CAB39L: variants seen among roughly 807,000 people sequenced by gnomAD.
CAB39L encodes calcium-binding protein 39-like.
CAB39L carries 23 observed loss-of-function variants against 39.1 expected under a neutral mutation model. The observed-to-expected ratio is 0.59, with a 90% CI of 0.42 to 0.83. CAB39L has a LOEUF of 0.83. Ranked by LOEUF, CAB39L falls within the 40% of genes least tolerant of loss-of-function variation. The pLI, the probability that CAB39L is intolerant of heterozygous loss-of-function variation, is 0.00. For synonymous variants in CAB39L, 126 were observed against 137.2 expected (o/e 0.92, Z 0.57); for missense variants, 366 against 391.9 (o/e 0.93, Z 0.56).
At chr13:49,434,877 C>A (rs1957384847) in intron 1 of CAB39L, among the ~76,000 whole-genome samples, 2 of 151,892 alleles carry the variant, frequency 1.3e-5, no homozygotes, top group Non-Finnish European at 2.9e-5. Context: ...CACCAAAATG[C>A]GATATAGATG....
Position 49,377,020 on chromosome 13 carries a change from T to C in CAB39L, c.223A>G (p.Ser75Gly). 6.2e-7 allele frequency: 1 copy of C among 1,613,950 alleles called. No homozygotes were observed. Among genetic ancestry groups the C allele is most frequent in the South Asian group, 1.1e-5 (1 of 91,050 alleles). The change falls in exon 5 of 11, where the codon AGC becomes GGC. Residue 75 changes from serine (S) to glycine (G), a missense_variant. By Grantham distance (56) the Ser-to-Gly change is moderately conservative. Coordinates refer to ENST00000409308, the MANE Select transcript of CAB39L (RefSeq NM_001079670.3). ...ATCAGTGTCACTAGCAGGCCACTGC[T>C]GTAGAGTTCTTGTGCTAGCTGAGCC... ...AVAQLAQELY[S>G]SGLLVTLIAD...
At chr13:49,348,993 C>CCACT (rs1955263399) in intron 7 of CAB39L, among the ~76,000 whole-genome samples, 1 of 152,188 alleles carries the variant, frequency 6.6e-6, no homozygotes, top group Admixed American at 6.5e-5. Context: ...CTACCCTTTA[C>CCACT]CACTCTCTGA....
At chr13:49,384,306 C>T (rs1425882759) in intron 3 of CAB39L, among the ~76,000 whole-genome samples, 1 of 152,232 alleles carries the variant, frequency 6.6e-6, no homozygotes, top group African/African-American at 2.4e-5. Flanking sequence ...AATTCAGTCA[C>T]ATCTTCAGGC....
intron 7 of CAB39L, among the ~76,000 whole-genome samples, chr13:49,347,869 TTTCCTTCC>T (rs1353646776): frequency 6.6e-6 from 1 of 151,926 alleles, no homozygotes; most frequent in Admixed American, 6.6e-5. Context: ...TCCTCCTTCT[TTTCCTTCC>T]TTCCTTCCCT....
intron 3 of CAB39L, among the ~76,000 whole-genome samples, chr13:49,412,207 G>C (rs1157813519): frequency 6.6e-6 from 1 of 151,366 alleles, no homozygotes; most frequent in Non-Finnish European, 1.5e-5. Context: ...TTTTGTTTTT[G>C]TTTTGCTATC....
intron 3 of CAB39L, among the ~76,000 whole-genome samples, 174 bp from the exon 4 acceptor site, chr13:49,383,115 A>T (rs528843109): frequency 4.6e-5 from 7 of 152,244 alleles, no homozygotes; most frequent in Admixed American, 3.9e-4. Context: ...ATATATTTTT[A>T]AAAAGATATT....
chr13:49,312,461 T>A lies in CAB39L; in HGVS notation c.835-1468A>T, dbSNP rs144543925. Among the ~76,000 whole-genome samples the A allele has an allele frequency of 4.2e-4, 64 of 152,330 alleles. No individual in the cohort carries two copies. The South Asian group carries it at 8.7e-3, about 21-fold the overall frequency. Reference sequence around the variant, plus strand: ...TCTATGTTTAGATACCCAAATACCATTGGGTTATAATTGCCTGCAGTATTC... The same window carrying A: ...TCTATGTTTAGATACCCAAATACCAATGGGTTATAATTGCCTGCAGTATTC... On this transcript the variant is annotated intron_variant, in intron 10 of 10. Coordinates refer to ENST00000409308, the MANE Select transcript of CAB39L (RefSeq NM_001079670.3).
At chr13:49,311,080 A>G (rs912547) in intron 10 of CAB39L, 87 bp from the exon 11 acceptor site, 1,150,409 of 1,155,878 alleles carry the variant, frequency 1, 572,526 homozygotes, top group Admixed American at 1. Flanking sequence ...CCTCACCCAC[A>G]CTACTCGCGT....
intron 3 of CAB39L, among the ~76,000 whole-genome samples, chr13:49,399,190 T>C (rs1956711675): frequency 1.3e-5 from 2 of 152,126 alleles, no homozygotes; most frequent in Non-Finnish European, 2.9e-5. Flanking sequence ...GTACCTACTA[T>C]GTGCCACACA....
chr13:49,392,710 A>T (rs904048818), intron 3 of CAB39L, among the ~76,000 whole-genome samples: 2 of 151,718 alleles, frequency 1.3e-5, no homozygotes, highest in African/African-American at 4.8e-5. Context: ...AAAGATAGCT[A>T]CTGACAGAAA....
At chr13:49,410,338 C>T (rs1458934628) in intron 3 of CAB39L, among the ~76,000 whole-genome samples, 2 of 152,200 alleles carry the variant, frequency 1.3e-5, no homozygotes, top group Non-Finnish European at 2.9e-5. Context: ...AGTAAAAGAA[C>T]AATTCCCACC....
rs572012764 is a variant in CAB39L, at chr13:49,353,043, G to A, written c.396-2131C>T. Among the ~76,000 whole-genome samples, 4 of 152,278 alleles carry A rather than the reference G, an allele frequency of 2.6e-5. No homozygotes were observed. The South Asian group carries it at 8.3e-4, about 32-fold the overall frequency. Reference sequence around the variant, plus strand: ...GAAGAAACAGCAAACAAAGATACCAGGGTGGTATTTATTCATTTTTGTCCT... The same window carrying A: ...GAAGAAACAGCAAACAAAGATACCAAGGTGGTATTTATTCATTTTTGTCCT... On this transcript the variant is annotated intron_variant, in intron 6 of 10. Transcript: ENST00000409308.
At chr13:49,378,928 G>A (rs1594023362) in intron 4 of CAB39L, among the ~76,000 whole-genome samples, 3 of 21,470 alleles carry the variant, frequency 1.4e-4, no homozygotes, top group African/African-American at 3.4e-4. Context: ...CAGCCGCCCC[G>A]TCCGGGAGGT....
chr13:49,339,218 C>T (rs1954934105), intron 9 of CAB39L, among the ~76,000 whole-genome samples: 1 of 150,850 alleles, frequency 6.6e-6, no homozygotes, highest in Admixed American at 6.6e-5. Context: ...GCAACCTCCA[C>T]CTCCCAGGTT....
intron 9 of CAB39L, among the ~76,000 whole-genome samples, chr13:49,333,168 C>T (rs1954757679): frequency 6.6e-6 from 1 of 152,092 alleles, no homozygotes; most frequent in Admixed American, 6.5e-5. Flanking sequence ...GTTTGTCAAA[C>T]CTGAAAAAAG....
chr13:49,388,098 A>C (rs1956405827), intron 3 of CAB39L, among the ~76,000 whole-genome samples: 1 of 152,212 alleles, frequency 6.6e-6, no homozygotes. Context: ...AAAATGATGA[A>C]GAAAAGATAT....
At chr13:49,443,414 C>A (rs1033604214) in intron 1 of CAB39L, among the ~76,000 whole-genome samples, 4 of 151,978 alleles carry the variant, frequency 2.6e-5, no homozygotes, top group Non-Finnish European at 5.9e-5. Flanking sequence ...GAACTTGACG[C>A]CCACTATTAC....
chr13:49,417,046 C>T lies in CAB39L; in HGVS notation c.-32+16272G>A, dbSNP rs145560494. On this transcript the variant is annotated intron_variant, in intron 3 of 10. Transcript: ENST00000409308. ...AAATAGATATTTGAATTAGATCTCA[C>T]AGTTTATGTTGGCATCTAAAATCTC... Among the ~76,000 whole-genome samples, 3 of 152,282 alleles carry T rather than the reference C, an allele frequency of 2.0e-5. No individual in the cohort carries two copies. The East Asian group carries it at 5.8e-4, about 29-fold the overall frequency.
intron 5 of CAB39L, among the ~76,000 whole-genome samples, chr13:49,369,789 T>C (rs1254412849): frequency 2.6e-5 from 4 of 152,050 alleles, no homozygotes; most frequent in Non-Finnish European, 5.9e-5. Flanking sequence ...GGTTTCACCA[T>C]GTTGGCCAGG....
Sources: allele counts gnomAD v4.1 joint callset (sites outside exome capture counted in the v4.1 genomes callset), GRCh38; gene constraint gnomAD v4.1.1; transcripts MANE v1.5; gene names NCBI Gene and HGNC (gene_info 2026-07-23, HGNC 2026-07-21).